Variants in CSMD1 observed in about 807,000 individuals in gnomAD.
The protein encoded by CSMD1 is CUB and Sushi multiple domains 1.
A neutral mutation model predicts 417.5 loss-of-function variants in CSMD1; 213 were observed. That is an observed-to-expected ratio of 0.51 (90% CI 0.46 to 0.57). The LOEUF is 0.57. Ranked by LOEUF, CSMD1 falls within the 20% of genes least tolerant of loss-of-function variation. The probability of loss-of-function intolerance (pLI) is 0.00; values close to 1 mark genes in which losing one functional copy is unlikely to be tolerated. For synonymous variants in CSMD1, 2,862 were observed against 1,736.8 expected, an observed-to-expected ratio of 1.65 and a Z score of -16.11; for missense variants, 6,923 against 4,529.7, an observed-to-expected ratio of 1.53 and a Z score of -15.17.
At chr8:3,202,922 A>G (rs1689961819) in intron 31 of CSMD1, among the ~76,000 whole-genome samples, 1 of 152,130 alleles carries the variant, frequency 6.6e-6, no homozygotes, top group Non-Finnish European at 1.5e-5. Flanking sequence ...TGCTCTAAAA[A>G]CTTTTTTCAG....
intron 2 of CSMD1, among the ~76,000 whole-genome samples, chr8:4,557,223 G>A (rs1212050126): frequency 1.3e-5 from 2 of 152,144 alleles, no homozygotes; most frequent in Non-Finnish European, 2.9e-5. Flanking sequence ...CTACCAGACA[G>A]CTACCCTCAG....
chr8:4,342,203 G>A (rs1433445381), intron 3 of CSMD1, among the ~76,000 whole-genome samples: 1 of 10,474 alleles, frequency 9.5e-5, no homozygotes, highest in South Asian at 1.8e-3. Context: ...GCAGTGCTGT[G>A]TCTGTGTGTG....
chr8:3,445,513 G>A (rs768462988), intron 12 of CSMD1, among the ~76,000 whole-genome samples: 2 of 152,144 alleles, frequency 1.3e-5, no homozygotes, highest in Non-Finnish European at 2.9e-5. Context: ...GCTGCAATGT[G>A]CACAACTCTT....
In CSMD1 at chr8:4,514,422, C is replaced by G. The variant is rs568557005; in HGVS notation, c.303-94357G>C. On this transcript the variant is annotated intron_variant, in intron 2 of 69. Transcript: ENST00000635120. ...CACAATACCATTCTAGAAGGCAGATCTGAATGCCACAGGAAAAGCCTGATA... is the reference window on the plus strand; with the variant it reads ...CACAATACCATTCTAGAAGGCAGATGTGAATGCCACAGGAAAAGCCTGATA... Among the ~76,000 whole-genome samples the G allele has an allele frequency of 1.2e-4, 18 of 152,280 alleles. 1 individual carries two copies. The South Asian group carries it at 2.5e-3, about 21-fold the overall frequency.
chr8:4,498,751 CA>C (rs1313115540), intron 2 of CSMD1, among the ~76,000 whole-genome samples: 5 of 152,154 alleles, frequency 3.3e-5, no homozygotes, highest in Non-Finnish European at 5.9e-5. Flanking sequence ...TAAAAGTAGT[CA>C]ACCTTCATTT....
chr8:3,029,630 T>C, intron 50 of CSMD1, 117 bp from the exon 51 acceptor site: 2 of 775,980 alleles, frequency 2.6e-6, no homozygotes, highest in Non-Finnish European at 4.1e-6. Flanking sequence ...GCAAAGTTGA[T>C]GCCATTACGT....
chr8:3,888,912 C>G (rs2627346), intron 5 of CSMD1, among the ~76,000 whole-genome samples: 3 of 152,020 alleles, frequency 2.0e-5, no homozygotes, highest in African/African-American at 7.3e-5. Context: ...TAATTAAAAG[C>G]ATATCTTTAT....
intron 1 of CSMD1, among the ~76,000 whole-genome samples, chr8:4,842,073 C>A (rs775365971): frequency 6.6e-6 from 1 of 152,084 alleles, no homozygotes; most frequent in Non-Finnish European, 1.5e-5. Context: ...ATTTCCTGGA[C>A]GTCACCTATG....
At chr8:3,532,482 T>A (rs1798023583) in intron 10 of CSMD1, among the ~76,000 whole-genome samples, 1 of 152,168 alleles carries the variant, frequency 6.6e-6, no homozygotes, top group South Asian at 2.1e-4. Context: ...GCCTGGTTTT[T>A]ACCTCTCCTC....
intron 1 of CSMD1, among the ~76,000 whole-genome samples, chr8:4,816,229 G>C (rs949064222): frequency 6.6e-6 from 1 of 151,910 alleles, no homozygotes; most frequent in Non-Finnish European, 1.5e-5. Flanking sequence ...CTGTTGCCCA[G>C]TTTGGAGTGC....
chr8:4,690,190 T>G (rs1489690470), intron 1 of CSMD1, among the ~76,000 whole-genome samples: 1 of 152,190 alleles, frequency 6.6e-6, no homozygotes, highest in Non-Finnish European at 1.5e-5. Context: ...TACATGTCAG[T>G]GCAGTTTTTT....
chr8:4,414,783 G>C (rs1411699273), intron 3 of CSMD1, among the ~76,000 whole-genome samples: 1 of 152,116 alleles, frequency 6.6e-6, no homozygotes, highest in Admixed American at 6.6e-5. Context: ...TATGTATCAT[G>C]TGCCAAGTGT....
At chr8:4,102,966 C>G (rs999609445) in intron 3 of CSMD1, among the ~76,000 whole-genome samples, 1 of 152,152 alleles carries the variant, frequency 6.6e-6, no homozygotes, top group Non-Finnish European at 1.5e-5. Context: ...ATAACTTTAA[C>G]ACGTGCAGAG....
chr8:3,366,903 C>G, intron 20 of CSMD1, 129 bp downstream of exon 20: 2 of 756,216 alleles, frequency 2.6e-6, no homozygotes, highest in Non-Finnish European at 4.4e-6. Flanking sequence ...TAGTTGGAAT[C>G]AAGTCACGCA....
chr8:4,024,359 T>C (rs1796951870), intron 4 of CSMD1, among the ~76,000 whole-genome samples: 1 of 152,194 alleles, frequency 6.6e-6, no homozygotes, highest in African/African-American at 2.4e-5. Flanking sequence ...TTATGGATTC[T>C]GTGGCATAAG....
At chr8:4,422,799 T>C (rs546062431) in intron 2 of CSMD1, among the ~76,000 whole-genome samples, 1 of 151,984 alleles carries the variant, frequency 6.6e-6, no homozygotes, top group East Asian at 1.9e-4. Flanking sequence ...TAAGAGAAAA[T>C]AGAAATAGGC....
At chr8:4,933,824 T>A (rs1022045655) in intron 1 of CSMD1, among the ~76,000 whole-genome samples, 4 of 152,286 alleles carry the variant, frequency 2.6e-5, no homozygotes, top group Middle Eastern at 3.4e-3. Context: ...GATACATTTA[T>A]TTTGATTAAA....
At chr8:4,085,229 T>C (rs988919516) in intron 3 of CSMD1, among the ~76,000 whole-genome samples, 14 of 152,126 alleles carry the variant, frequency 9.2e-5, no homozygotes, top group Admixed American at 7.2e-4. Flanking sequence ...ATCATCTGAT[T>C]GATTTAGGGA....
At chr8:4,196,548 G>C (rs753392993) in intron 3 of CSMD1, among the ~76,000 whole-genome samples, 3 of 152,102 alleles carry the variant, frequency 2.0e-5, no homozygotes, top group Non-Finnish European at 2.9e-5. Context: ...TAAACTGTGA[G>C]TCATTCATTT....
Sources: allele counts gnomAD v4.1 joint callset (sites outside exome capture counted in the v4.1 genomes callset), GRCh38; gene constraint gnomAD v4.1.1; transcripts MANE v1.5; gene names NCBI Gene and HGNC (gene_info 2026-07-23, HGNC 2026-07-21).